PTPRT: variants seen among roughly 807,000 people sequenced by gnomAD.
PTPRT encodes protein tyrosine phosphatase receptor type T, also known as receptor-type tyrosine-protein phosphatase T.
A neutral mutation model predicts 176.8 loss-of-function variants in PTPRT; 56 were observed. That is an observed-to-expected ratio of 0.32 (90% confidence interval 0.26 to 0.40). PTPRT has a LOEUF of 0.40. PTPRT is among the 10% of genes least tolerant of loss of function. The pLI is 1.00. For missense variants in PTPRT, 1,540 were observed against 1,908.2 expected (o/e 0.81, Z 3.60); for synonymous variants, 783 against 739.0 (o/e 1.06, Z -0.96).
At chr20:42,810,770 A>T (rs1011680195) in intron 2 of PTPRT, among the ~76,000 whole-genome samples, 4 of 152,232 alleles carry the variant, frequency 2.6e-5, no homozygotes, top group African/African-American at 9.6e-5. Flanking sequence ...GGAAAATCAG[A>T]TCACTTCCAC....
At chr20:42,742,381 C>A (rs577628671) in intron 6 of PTPRT, among the ~76,000 whole-genome samples, 1 of 152,328 alleles carries the variant, frequency 6.6e-6, no homozygotes, top group African/African-American at 2.4e-5. Flanking sequence ...ACGGGTTGGA[C>A]AAGTCACAGT....
chr20:42,535,814 C>G (rs985012585), intron 7 of PTPRT, among the ~76,000 whole-genome samples: 8 of 152,126 alleles, frequency 5.3e-5, no homozygotes, highest in African/African-American at 1.9e-4. Context: ...GGGCTTGGTT[C>G]AGGCAGGGTT....
intron 1 of PTPRT, among the ~76,000 whole-genome samples, chr20:42,994,294 T>C (rs1026790688): frequency 5.3e-5 from 8 of 152,160 alleles, no homozygotes; most frequent in African/African-American, 1.9e-4. Context: ...CTCTTCTTCC[T>C]TCCAGGCTGA....
intron 11 of PTPRT, among the ~76,000 whole-genome samples, chr20:42,326,176 T>C (rs2057878976): frequency 6.6e-6 from 1 of 152,198 alleles, no homozygotes; most frequent in Admixed American, 6.5e-5. Context: ...GCTGGATCAA[T>C]ATGGGGCCAG....
chr20:43,049,249 T>A (rs1049591760), intron 1 of PTPRT, among the ~76,000 whole-genome samples: 17 of 152,146 alleles, frequency 1.1e-4, no homozygotes, highest in Non-Finnish European at 4.4e-5. Flanking sequence ...TAAGAAAAAG[T>A]GTATATCCTT....
At chr20:43,144,419 C>T (rs1271647177) in intron 1 of PTPRT, among the ~76,000 whole-genome samples, 1 of 152,186 alleles carries the variant, frequency 6.6e-6, no homozygotes, top group Non-Finnish European at 1.5e-5. Flanking sequence ...TTCTCAGATA[C>T]AGCCACCTAA....
At chr20:42,440,472 T>G (rs1303818729) in intron 9 of PTPRT, among the ~76,000 whole-genome samples, 1 of 151,768 alleles carries the variant, frequency 6.6e-6, no homozygotes, top group East Asian at 1.9e-4. Flanking sequence ...ATATATTAGT[T>G]GTTTCTTTCT....
intron 7 of PTPRT, among the ~76,000 whole-genome samples, chr20:42,488,202 T>C (rs969673589): frequency 2.0e-5 from 3 of 152,228 alleles, no homozygotes; most frequent in Admixed American, 6.5e-5. Flanking sequence ...CACACTGTAG[T>C]AGACCTTCTC....
chr20:42,433,919 A>C (rs1254953976), intron 9 of PTPRT, among the ~76,000 whole-genome samples: 3 of 152,184 alleles, frequency 2.0e-5, no homozygotes, highest in Non-Finnish European at 4.4e-5. Context: ...CATACCCCCA[A>C]AATTATATCT....
At chr20:43,014,104 T>C (rs111642227) in intron 1 of PTPRT, among the ~76,000 whole-genome samples, 45 of 152,296 alleles carry the variant, frequency 3.0e-4, no homozygotes, top group African/African-American at 1.1e-3. Flanking sequence ...GATTAAAACA[T>C]AGTGCCATAT....
chr20:42,387,080 G>A (rs1018249240), intron 9 of PTPRT, among the ~76,000 whole-genome samples: 7 of 152,016 alleles, frequency 4.6e-5, no homozygotes, highest in South Asian at 2.1e-4. Flanking sequence ...TTATCTGTTC[G>A]AAATTGAAAT....
At chr20:42,388,292 A>T (rs900322662) in intron 9 of PTPRT, among the ~76,000 whole-genome samples, 7 of 152,238 alleles carry the variant, frequency 4.6e-5, no homozygotes, top group African/African-American at 1.7e-4. Context: ...AATTAAACTA[A>T]AGAGCTTCTG....
chr20:42,627,752 C>T (rs193250265), intron 7 of PTPRT, among the ~76,000 whole-genome samples: 5 of 151,854 alleles, frequency 3.3e-5, no homozygotes, highest in African/African-American at 4.8e-5. Context: ...TCCTGTCTTT[C>T]GTATTTTTTT....
At chr20:42,083,470 C>G (rs1983563144) in intron 29 of PTPRT, among the ~76,000 whole-genome samples, 1 of 152,214 alleles carries the variant, frequency 6.6e-6, no homozygotes, top group Non-Finnish European at 1.5e-5. Context: ...TTCCTGAACT[C>G]TAGCCTGAGG....
chr20:42,829,978 C>T (rs553556989), intron 2 of PTPRT, among the ~76,000 whole-genome samples: 3 of 151,944 alleles, frequency 2.0e-5, no homozygotes, highest in Non-Finnish European at 4.4e-5. Flanking sequence ...CAAAACAAGC[C>T]CAGGACCAGA....
intron 1 of PTPRT, among the ~76,000 whole-genome samples, chr20:43,114,511 T>C (rs2012982068): frequency 6.6e-6 from 1 of 152,220 alleles, no homozygotes; most frequent in Non-Finnish European, 1.5e-5. Context: ...ACCTACTACA[T>C]AGTCGGTAAC....
chr20:42,995,482 C>A (rs773793340), intron 1 of PTPRT, among the ~76,000 whole-genome samples: 2 of 152,138 alleles, frequency 1.3e-5, no homozygotes, highest in Non-Finnish European at 2.9e-5. Flanking sequence ...CACTTCAGGG[C>A]TCAGGTCATC....
chr20:42,806,482 CAAAAAAA>C lies in PTPRT; in HGVS notation c.215-15023_215-15017del, dbSNP rs11475047. ...CTGGCGACAGAGCAAGACTCTGTCTCAAAAAAAAAAAAAAAAAAAACCCAAACCTTAC... is the reference window on the plus strand; with the variant it reads ...CTGGCGACAGAGCAAGACTCTGTCTCAAAAAAAAAAAAACCCAAACCTTAC... On this transcript the variant is annotated intron_variant, in intron 2 of 30. Coordinates refer to ENST00000373187, the MANE Select transcript of PTPRT (RefSeq NM_007050.6). Among the ~76,000 whole-genome samples, 10 of 115,112 alleles carry C rather than the reference CAAAAAAA, an allele frequency of 8.7e-5. No individual in the cohort carries two copies. The East Asian group carries it at 2.0e-3, about 23-fold the overall frequency. The allele number at this position is 115,112 out of a possible 152,430, so 75.5% of individuals were successfully genotyped here.
At chr20:42,431,648 T>C (rs1159288909) in intron 9 of PTPRT, among the ~76,000 whole-genome samples, 1 of 152,216 alleles carries the variant, frequency 6.6e-6, no homozygotes, top group Non-Finnish European at 1.5e-5. Context: ...AATATTGTTA[T>C]AAAAATTGGC....
Sources: gnomAD v4.1 joint callset for allele counts (sites outside exome capture counted in the v4.1 genomes callset) on GRCh38, gnomAD v4.1.1 for gene constraint, MANE v1.5 for transcripts, NCBI Gene and HGNC (gene_info 2026-07-23, HGNC 2026-07-21) for gene names.